The following CSNK1G1 variants were observed in gnomAD, a reference collection of about 807,000 sequenced individuals.
CSNK1G1 encodes the protein casein kinase 1 gamma 1, also known as casein kinase I isoform gamma-1.
In CSNK1G1, 22 loss-of-function variants were observed where a neutral mutation model predicts 59.6. The observed-to-expected ratio is 0.37, with a 90% CI of 0.26 to 0.53. CSNK1G1 has a LOEUF of 0.53. Among genes scored for constraint, CSNK1G1 ranks in the 20% least tolerant of loss-of-function variants. The pLI, the probability that CSNK1G1 is intolerant of heterozygous loss-of-function variation, is 0.89. For missense variants in CSNK1G1, 384 were observed against 519.5 expected (o/e 0.74, Z 2.54); for synonymous variants, 179 against 177.1 (o/e 1.01, Z -0.08).
At chr15:64,253,950 GA>G (rs1253844523) in intron 3 of CSNK1G1, among the ~76,000 whole-genome samples, 6 of 152,062 alleles carry the variant, frequency 3.9e-5, no homozygotes, top group African/African-American at 1.4e-4. Context: ...GACCAGCCTG[GA>G]CAACACGGTG....
chr15:64,211,652 AT>A (rs1229213508), intron 6 of CSNK1G1, among the ~76,000 whole-genome samples: 5 of 152,230 alleles, frequency 3.3e-5, no homozygotes, highest in African/African-American at 1.2e-4. Flanking sequence ...TTTTACATAC[AT>A]TATCTCATAG....
At chr15:64,278,023 TTAA>T (rs367989363) in intron 2 of CSNK1G1, among the ~76,000 whole-genome samples, 6,913 of 146,644 alleles carry the variant, frequency 0.047, 173 homozygotes, top group South Asian at 0.077. Flanking sequence ...GAATAATATA[TTAA>T]TATTATTTTA....
At chr15:64,242,538 C>T (rs752778439) in intron 4 of CSNK1G1, among the ~76,000 whole-genome samples, 10 of 152,192 alleles carry the variant, frequency 6.6e-5, no homozygotes, top group Non-Finnish European at 1.5e-4. Flanking sequence ...TCCTGTGCAG[C>T]CTGCAGAACC....
chr15:64,292,788 C>T (rs1894814442), intron 2 of CSNK1G1, among the ~76,000 whole-genome samples: 1 of 152,030 alleles, frequency 6.6e-6, no homozygotes, highest in African/African-American at 2.4e-5. Flanking sequence ...ATTAGCCGGG[C>T]ATGGTGGCGG....
chr15:64,347,241 T>A (rs1423978967), intron 1 of CSNK1G1, among the ~76,000 whole-genome samples: 1 of 152,156 alleles, frequency 6.6e-6, no homozygotes, highest in Admixed American at 6.6e-5. Context: ...AGTTTGACAA[T>A]TTCTTACCAA....
At chr15:64,271,008 A>G (rs1359321713) in intron 2 of CSNK1G1, among the ~76,000 whole-genome samples, 1 of 152,022 alleles carries the variant, frequency 6.6e-6, no homozygotes, top group Non-Finnish European at 1.5e-5. Context: ...TTTGAGACAG[A>G]GTCTCGCTCT....
intron 6 of CSNK1G1, among the ~76,000 whole-genome samples, chr15:64,212,723 A>G (rs1460845423): frequency 1.3e-5 from 2 of 151,860 alleles, no homozygotes; most frequent in African/African-American, 4.8e-5. Context: ...TAAAATAAAT[A>G]TGCTGGGCAC....
Position 64,300,619 on chromosome 15 carries a change from C to G in CSNK1G1, c.-120G>C, listed in dbSNP as rs538986576. 3.1e-5 allele frequency: 43 copies of G among 1,408,524 alleles called. No individual in the cohort carries two copies. Among genetic ancestry groups the G allele is most frequent in the Non-Finnish European group, 3.6e-5 (39 of 1,076,528 alleles). 87.3% of individuals were successfully genotyped at this position (1,408,524 alleles called of 1,614,324 possible). A position where few individuals can be genotyped will look rare whatever the true frequency, so the allele number is the denominator to read the frequency against. On this transcript the variant is annotated 5_prime_UTR_variant, in exon 2 of 12. Coordinates refer to ENST00000303052, the MANE Select transcript of CSNK1G1 (RefSeq NM_022048.5). ...AGAGAAAGGTAAGGAGTTCTTTTAGCACCATATTTGTTTGTAATGTATCTC... is the reference window on the plus strand; with the variant it reads ...AGAGAAAGGTAAGGAGTTCTTTTAGGACCATATTTGTTTGTAATGTATCTC...
chr15:64,175,717 A>G, intron 11 of CSNK1G1, among the ~76,000 whole-genome samples: 1 of 152,102 alleles, frequency 6.6e-6, no homozygotes. Flanking sequence ...CAACAACAAA[A>G]CATCCACCTC....
At chr15:64,225,199 G>T (rs180941898) in intron 4 of CSNK1G1, among the ~76,000 whole-genome samples, 1 of 151,868 alleles carries the variant, frequency 6.6e-6, no homozygotes, top group South Asian at 2.1e-4. Context: ...AGTAGAGCTG[G>T]GGTTTCACCA....
intron 1 of CSNK1G1, among the ~76,000 whole-genome samples, chr15:64,322,890 A>G (rs1417888724): frequency 6.6e-6 from 1 of 152,004 alleles, no homozygotes; most frequent in Admixed American, 6.6e-5. Flanking sequence ...TTTAATCATA[A>G]CATTGTAAAA....
chr15:64,212,288 A>G (rs2082258309), intron 6 of CSNK1G1, among the ~76,000 whole-genome samples: 1 of 152,218 alleles, frequency 6.6e-6, no homozygotes, highest in African/African-American at 2.4e-5. Flanking sequence ...ATAATTTCAA[A>G]TCGAATTGTA....
At chr15:64,273,186 T>C (rs190975132) in intron 2 of CSNK1G1, among the ~76,000 whole-genome samples, 2 of 152,304 alleles carry the variant, frequency 1.3e-5, no homozygotes, top group East Asian at 1.9e-4. Context: ...AGGATAAAGA[T>C]TGAAGGCTAT....
intron 4 of CSNK1G1, among the ~76,000 whole-genome samples, chr15:64,243,727 A>T (rs1891598943): frequency 6.6e-6 from 1 of 152,176 alleles, no homozygotes; most frequent in Non-Finnish European, 1.5e-5. Flanking sequence ...CAACATGCAA[A>T]AATTACTAGC....
Position 64,278,416 on chromosome 15 carries a change from GTGTA to G in CSNK1G1, c.182-19179_182-19176del, listed in dbSNP as rs1474586651. 4.5e-3 allele frequency among the ~76,000 whole-genome samples: 448 copies of G among 98,516 alleles called. 1 individual carries two copies. The highest frequency in any genetic ancestry group is 0.011 in the Middle Eastern group (2 of 178). The allele number at this position is 98,516 out of a possible 152,430, so 64.6% of individuals were successfully genotyped here. On this transcript the variant is annotated intron_variant, in intron 2 of 11. Coordinates refer to ENST00000303052, the MANE Select transcript of CSNK1G1 (RefSeq NM_022048.5). Reference sequence around the variant, plus strand: ...TGTGTGTGTGTGTGTGTGTGTGTGTGTGTATATATATATATATTTTTTTTTTTTT... The same window carrying G: ...TGTGTGTGTGTGTGTGTGTGTGTGTGTATATATATATATTTTTTTTTTTTT...
chr15:64,259,269 T>G (rs1366105404), intron 2 of CSNK1G1, 28 bp from the exon 3 acceptor site: 6 of 1,543,198 alleles, frequency 3.9e-6, no homozygotes, highest in Non-Finnish European at 5.3e-6. Context: ...TGTATATGTT[T>G]TAGTGACATT....
At chr15:64,259,308 A>G in intron 2 of CSNK1G1, 67 bp from the exon 3 acceptor site, 1 of 1,123,920 alleles carries the variant, frequency 8.9e-7, no homozygotes, top group East Asian at 2.5e-5. Context: ...GCAAAATATT[A>G]GCTTACAGGG....
intron 1 of CSNK1G1, among the ~76,000 whole-genome samples, chr15:64,321,483 C>G (rs1232212444): frequency 6.6e-6 from 1 of 152,082 alleles, no homozygotes; most frequent in Non-Finnish European, 1.5e-5. Flanking sequence ...AGGCTGGTTT[C>G]AAACTCTTGG....
At position 64,170,252 on chromosome 15, in the gene CSNK1G1, AT is replaced by A. The variant is rs1345609046; in HGVS notation, c.*1678del. 2.0e-5 allele frequency: 3 copies of A among 152,260 alleles called. No individual in the cohort carries two copies. The highest frequency in any genetic ancestry group is 7.2e-5 in the African/African-American group (3 of 41,460). 9.4% of individuals were successfully genotyped at this position (152,260 alleles called of 1,614,324 possible). On this transcript the variant is annotated 3_prime_UTR_variant, in exon 12 of 12. Coordinates refer to ENST00000303052, the MANE Select transcript of CSNK1G1 (RefSeq NM_022048.5). ...TGTCAAACAGTGAATGAGGAACCAG[AT>A]CCTTCACAGTAGTACCTCATATGAA...
Sources: allele counts gnomAD v4.1 joint callset (sites outside exome capture counted in the v4.1 genomes callset), GRCh38; gene constraint gnomAD v4.1.1; transcripts MANE v1.5; gene names NCBI Gene and HGNC (gene_info 2026-07-23, HGNC 2026-07-21).